The following SIK3 variants were observed in gnomAD, a reference collection of about 807,000 sequenced individuals.
SIK3 encodes the protein serine/threonine-protein kinase SIK3.
Under a neutral mutation model 144.2 loss-of-function variants are expected in SIK3, and 28 were observed. The ratio of observed to expected loss-of-function variants is 0.19; its 90% CI spans 0.14 to 0.27. The LOEUF (loss-of-function observed/expected upper bound fraction) is 0.27. Among genes scored for constraint, SIK3 ranks in the 10% least tolerant of loss-of-function variants. The probability of loss-of-function intolerance (pLI) is 1.00; values close to 1 mark genes in which losing one functional copy is unlikely to be tolerated. For synonymous variants in SIK3, 686 were observed against 676.3 expected, an observed-to-expected ratio of 1.01 and a Z score of -0.22; for missense variants, 1,319 against 1,776.0, an observed-to-expected ratio of 0.74 and a Z score of 4.62.
At chr11:117,087,772 T>G (rs1463052615) in intron 1 of SIK3, among the ~76,000 whole-genome samples, 2 of 152,170 alleles carry the variant, frequency 1.3e-5, no homozygotes, top group Non-Finnish European at 2.9e-5. Flanking sequence ...GTGTTCCCTT[T>G]GGCACGGTAA....
intron 21 of SIK3, among the ~76,000 whole-genome samples, chr11:116,856,371 C>T (rs1204471906): frequency 6.6e-6 from 1 of 152,140 alleles, no homozygotes; most frequent in African/African-American, 2.4e-5. Context: ...CTGGAGAGTT[C>T]TTATAAAGGT....
intron 1 of SIK3, among the ~76,000 whole-genome samples, chr11:117,074,705 C>T (rs1271783184): frequency 6.6e-5 from 10 of 151,822 alleles, no homozygotes; most frequent in Non-Finnish European, 1.5e-5. Flanking sequence ...GGAGGATTCC[C>T]TGAGGTCAGG....
intron 4 of SIK3, among the ~76,000 whole-genome samples, chr11:116,915,170 T>TGTGTGTGTG (rs1946564971): frequency 8.7e-6 from 1 of 115,378 alleles, no homozygotes; most frequent in Non-Finnish European, 1.8e-5. Context: ...GTATGTGTAT[T>TGTGTGTGTG]TTTTCTTTTT....
chr11:117,085,759 C>A (rs906436675), intron 1 of SIK3, among the ~76,000 whole-genome samples: 2 of 151,970 alleles, frequency 1.3e-5, no homozygotes, highest in Non-Finnish European at 2.9e-5. Context: ...CCGAAGCAGG[C>A]GAACTGCCTG....
chr11:117,067,311 CTT>C (rs1258140078), intron 1 of SIK3, among the ~76,000 whole-genome samples: 4 of 152,158 alleles, frequency 2.6e-5, no homozygotes, highest in Non-Finnish European at 5.9e-5. Context: ...ATAAACAAAT[CTT>C]GTTACATCCA....
intron 1 of SIK3, among the ~76,000 whole-genome samples, chr11:117,085,154 C>A (rs376251260): frequency 1.1e-4 from 16 of 152,114 alleles, no homozygotes; most frequent in East Asian, 5.8e-4. Flanking sequence ...CTCTGTCACA[C>A]AGGCTGGAAT....
chr11:117,084,328 G>C (rs1286686706), intron 1 of SIK3, among the ~76,000 whole-genome samples: 1 of 152,104 alleles, frequency 6.6e-6, no homozygotes, highest in African/African-American at 2.4e-5. Context: ...ACAGTGGCAG[G>C]ATCTTGGCTC....
chr11:116,897,057 G>T, intron 5 of SIK3, 136 bp downstream of exon 5: 1 of 880,800 alleles, frequency 1.1e-6, no homozygotes, highest in Non-Finnish European at 1.7e-6. Flanking sequence ...GCTTTGCACA[G>T]GAATTGGGAC....
intron 3 of SIK3, among the ~76,000 whole-genome samples, chr11:116,949,684 G>T (rs956975330): frequency 6.6e-6 from 1 of 152,012 alleles, no homozygotes; most frequent in African/African-American, 2.4e-5. Flanking sequence ...TTAATTCATT[G>T]GTTCTCCCCC....
At chr11:116,960,892 T>C (rs1949322510) in intron 1 of SIK3, among the ~76,000 whole-genome samples, 1 of 152,204 alleles carries the variant, frequency 6.6e-6, no homozygotes, top group Admixed American at 6.5e-5. Context: ...AGGATTAGAT[T>C]TGCTTCACTA....
chr11:117,049,961 T>TAA lies in SIK3; in HGVS notation c.273+48180_273+48181dup, dbSNP rs57279331. 2.4e-3 allele frequency among the ~76,000 whole-genome samples: 358 copies of TAA among 149,240 alleles called. 3 individuals carry two copies. The highest frequency in any genetic ancestry group is 7.8e-3 in the African/African-American group (316 of 40,748). ...GGCGTCTGAGCGAAAACCTGTCTCT[T>TAA]AAAAAAAAAATAGGATCTTATATTA... On this transcript the variant is annotated intron_variant, in intron 1 of 24. Transcript: ENST00000445177.
intron 1 of SIK3, among the ~76,000 whole-genome samples, chr11:117,038,389 C>T (rs1952602429): frequency 6.7e-6 from 1 of 148,364 alleles, no homozygotes; most frequent in Admixed American, 6.8e-5. Context: ...CAGAGTCTCG[C>T]TCTGTCTCCC....
rs1397974814 is a variant in SIK3, at chr11:116,858,115, T to G, written c.3350A>C (p.Glu1117Ala). ...PQHLLQIRAQECVSQASSPTP... is the reference protein window; with the variant it reads ...PQHLLQIRAQACVSQASSPTP... ...GGGTGAGGAAGCCTGTGAGACACAT[T>G]CTTGTGCCCTGATTTGTAGCAGATG... is the stretch of plus-strand genomic sequence containing the variant. The change falls in exon 21 of 25, where the codon GAA (glutamate) becomes GCA (alanine). Residue 1117 changes from glutamate (E) to alanine (A), a missense_variant. Physicochemically the swap from Glu to Ala is moderately radical, Grantham distance 107 (BLOSUM62 -1). This residue lies in a region of SIK3 where 646 missense variants were observed against 763.7 expected (regional missense o/e 0.85). Coordinates refer to ENST00000445177, the MANE Select transcript of SIK3 (RefSeq NM_001366686.3). This position sits in a 1 kb window ranked among gnomAD's most constrained non-coding sequence, Gnocchi z 5.4. 1 of 1,614,092 alleles carries G rather than the reference T, an allele frequency of 6.2e-7. No individual in the cohort carries two copies. Among genetic ancestry groups the G allele is most frequent in the African/African-American group, 1.3e-5 (1 of 75,018 alleles).
chr11:117,087,554 A>G (rs986149601), intron 1 of SIK3, among the ~76,000 whole-genome samples: 1 of 152,182 alleles, frequency 6.6e-6, no homozygotes, highest in African/African-American at 2.4e-5. Context: ...TACTATATCT[A>G]TGGGACTAGG....
chr11:116,906,364 C>T (rs531833554), intron 4 of SIK3, among the ~76,000 whole-genome samples: 9 of 152,026 alleles, frequency 5.9e-5, no homozygotes, highest in African/African-American at 1.9e-4. Context: ...TTCTTTATGT[C>T]CTGAGTTTGA....
chr11:116,966,413 TAATAAG>T (rs1040981840), intron 1 of SIK3, among the ~76,000 whole-genome samples: 40 of 151,980 alleles, frequency 2.6e-4, no homozygotes, highest in African/African-American at 9.7e-4. Context: ...ACAATAAAAA[TAATAAG>T]AATAACAATA....
intron 1 of SIK3, among the ~76,000 whole-genome samples, chr11:116,972,491 G>A (rs1440057603): frequency 6.6e-6 from 1 of 152,080 alleles, no homozygotes; most frequent in East Asian, 1.9e-4. Context: ...ATGCTGCATT[G>A]AACAGCTCTA....
intron 1 of SIK3, among the ~76,000 whole-genome samples, chr11:116,996,775 G>A (rs960448968): frequency 1.6e-5 from 2 of 128,022 alleles, no homozygotes; most frequent in Admixed American, 9.8e-5. Flanking sequence ...AGCCAAGATC[G>A]CGCCACTACA....
At chr11:116,891,149 A>C (rs1169665998) in intron 6 of SIK3, among the ~76,000 whole-genome samples, 1 of 152,136 alleles carries the variant, frequency 6.6e-6, no homozygotes, top group Non-Finnish European at 1.5e-5. Context: ...TCTATAAAAA[A>C]ATGTTTAAAA....
Sources: allele counts gnomAD v4.1 joint callset (sites outside exome capture counted in the v4.1 genomes callset), GRCh38; gene constraint gnomAD v4.1.1; regional missense constraint gnomAD v4.1.1; non-coding constraint Gnocchi (gnomAD v3.1); transcripts MANE v1.5; gene names NCBI Gene and HGNC (gene_info 2026-07-23, HGNC 2026-07-21).